CAST: variants seen among roughly 807,000 people sequenced by gnomAD.
The protein encoded by CAST is MIR583 host.
Under a neutral mutation model 119.6 loss-of-function variants are expected in CAST, and 76 were observed. That is an observed-to-expected ratio of 0.64 (90% CI 0.53 to 0.77). The LOEUF (loss-of-function observed/expected upper bound fraction) is 0.77, where lower values mean the gene tolerates loss of function less well. Ranked by LOEUF, CAST falls within the 30% of genes least tolerant of loss-of-function variation. The probability of loss-of-function intolerance (pLI) is 0.00; values close to 1 mark genes in which losing one functional copy is unlikely to be tolerated. For synonymous variants in CAST, 319 were observed against 331.6 expected, an observed-to-expected ratio of 0.96 and a Z score of 0.41; for missense variants, 953 against 946.5, an observed-to-expected ratio of 1.01 and a Z score of -0.09.
At chr5:96,378,512 C>G in the CAST span, among the ~76,000 whole-genome samples, 1,727 of 152,032 alleles carry the variant, frequency 0.011, 32 homozygotes, top group African/African-American at 0.039. Flanking sequence ...AAAATGTGTG[C>G]CAGTTTTATA....
At chr5:96,240,735 C>CTTTT in the CAST span, among the ~76,000 whole-genome samples, 340 of 101,960 alleles carry the variant, frequency 3.3e-3, no homozygotes, top group East Asian at 5.0e-3. Context: ...AGCTAACTTT[C>CTTTT]TTTTTTTTTT....
the CAST span, among the ~76,000 whole-genome samples, chr5:96,115,353 T>C: frequency 6.6e-6 from 1 of 152,256 alleles, no homozygotes; most frequent in Non-Finnish European, 1.5e-5. Flanking sequence ...TGTATAGTGT[T>C]AGCACCACAC....
chr5:96,202,226 G>C, the CAST span, among the ~76,000 whole-genome samples: 2 of 151,910 alleles, frequency 1.3e-5, no homozygotes, highest in Non-Finnish European at 2.9e-5. Flanking sequence ...CTTCACTTAG[G>C]AGCATTCTTA....
chr5:96,538,920 G>A (rs186464901), intron 1 of CAST, among the ~76,000 whole-genome samples: 4 of 152,170 alleles, frequency 2.6e-5, no homozygotes, highest in African/African-American at 9.6e-5. Context: ...CTGCTATCAG[G>A]TCACCCAAAG....
chr5:96,101,716 G>A, the CAST span, among the ~76,000 whole-genome samples: 1 of 152,204 alleles, frequency 6.6e-6, no homozygotes, highest in Non-Finnish European at 1.5e-5. Context: ...TTTGGCCAAG[G>A]TGGAAACATC....
At chr5:96,388,324 C>T in the CAST span, among the ~76,000 whole-genome samples, 8 of 152,214 alleles carry the variant, frequency 5.3e-5, no homozygotes, top group African/African-American at 1.7e-4. Flanking sequence ...GGCTCTGCTT[C>T]GTGCTATGAG....
chr5:96,617,789 C>A (rs1179896351), intron 1 of CAST, among the ~76,000 whole-genome samples: 1 of 15,306 alleles, frequency 6.5e-5, no homozygotes, highest in African/African-American at 2.8e-4. Context: ...AAAATTCCAT[C>A]TAAAAAAAAA....
chr5:96,723,720 A>T (rs1758726066), intron 4 of CAST, among the ~76,000 whole-genome samples: 1 of 152,220 alleles, frequency 6.6e-6, no homozygotes, highest in Non-Finnish European at 1.5e-5. Flanking sequence ...CAGGGGAGGG[A>T]ATTAAAGAGG....
At chr5:96,534,839 A>G (rs955254496) in intron 1 of CAST, among the ~76,000 whole-genome samples, 9 of 134,590 alleles carry the variant, frequency 6.7e-5, no homozygotes, top group Middle Eastern at 3.7e-3. Flanking sequence ...GAAGGAAAGA[A>G]GGAAGGAAGG....
the CAST span, among the ~76,000 whole-genome samples, chr5:96,263,185 A>T: frequency 6.6e-6 from 1 of 152,150 alleles, no homozygotes; most frequent in African/African-American, 2.4e-5. Flanking sequence ...AGTGATTCTA[A>T]TGTGCAGACA....
chr5:96,215,778 A>T, the CAST span, among the ~76,000 whole-genome samples: 1 of 152,044 alleles, frequency 6.6e-6, no homozygotes, highest in Non-Finnish European at 1.5e-5. Context: ...CCTAATAAAT[A>T]ATAAATATAT....
the CAST span, among the ~76,000 whole-genome samples, chr5:96,036,349 G>A: frequency 1.5e-3 from 233 of 151,966 alleles, 2 homozygotes; most frequent in South Asian, 0.027. Flanking sequence ...CAATATGCAG[G>A]CCACACCAGA....
chr5:96,157,503 C>G, the CAST span, among the ~76,000 whole-genome samples: 1 of 152,188 alleles, frequency 6.6e-6, no homozygotes, highest in Non-Finnish European at 1.5e-5. Context: ...GTGTGGTGTC[C>G]TTACTATCTT....
At position 96,750,678 on chromosome 5, in the gene CAST, C is replaced by T; in HGVS notation, c.1520C>T (p.Thr507Ile). The change falls in exon 20 of 32, where the codon ACC becomes ATC. Residue 507 changes from threonine to isoleucine, a missense_variant. Transcript: ENST00000675179. Reference protein sequence around the residue: ...SIQSAPPEPATLKGTVPDDAV... With the variant: ...SIQSAPPEPAILKGTVPDDAV... ...CAGTCAGCACCCCCTGAGCCGGCTA[C>T]CTTGGTGAGTGACTCCCTGGGCATT... 6.2e-7 allele frequency: 1 copy of T among 1,608,498 alleles called. No individual in the cohort carries two copies. Among genetic ancestry groups the T allele is most frequent in the Admixed American group, 1.7e-5 (1 of 59,970 alleles).
At chr5:95,985,799 T>C in the CAST span, among the ~76,000 whole-genome samples, 1 of 152,196 alleles carries the variant, frequency 6.6e-6, no homozygotes, top group Non-Finnish European at 1.5e-5. Context: ...CACGTATTAC[T>C]ATTAAAGAAA....
chr5:95,965,194 G>A, the CAST span: 4 of 152,210 alleles, frequency 2.6e-5, no homozygotes, highest in African/African-American at 9.7e-5. Flanking sequence ...TCAGCTGATT[G>A]TTGCCAGGTG....
chr5:96,661,255 A>C, upstream of CAST, among the ~76,000 whole-genome samples: 1 of 91,138 alleles, frequency 1.1e-5, no homozygotes, highest in East Asian at 3.8e-4. Flanking sequence ...CGTCTCTACC[A>C]TTAAAAAAAA....
At chr5:96,345,157 T>A in the CAST span, among the ~76,000 whole-genome samples, 1 of 152,030 alleles carries the variant, frequency 6.6e-6, no homozygotes, top group African/African-American at 2.4e-5. Flanking sequence ...TAACAAGGAG[T>A]CTTACCAGTC....
chr5:96,052,368 T>A, the CAST span, among the ~76,000 whole-genome samples: 1 of 152,146 alleles, frequency 6.6e-6, no homozygotes, highest in Non-Finnish European at 1.5e-5. Context: ...CAGAAAGTGA[T>A]GAGTACAAGA....
Sources: allele counts gnomAD v4.1 joint callset (sites outside exome capture counted in the v4.1 genomes callset), GRCh38; gene constraint gnomAD v4.1.1; transcripts MANE v1.5; gene names NCBI Gene and HGNC (gene_info 2026-07-23, HGNC 2026-07-21).